Variants in ATOSA observed in about 807,000 individuals in gnomAD.
ATOSA encodes the protein atos homolog protein A.
chr15:52,610,253 T>C, the ATOSA span: 314 of 1,613,878 alleles, frequency 1.9e-4, no homozygotes, highest in Non-Finnish European at 2.6e-4. Context: ...ACTGGATAAT[T>C]AGATTGTCTG....
chr15:52,613,687 C>G, the ATOSA span: 1 of 1,613,746 alleles, frequency 6.2e-7, no homozygotes, highest in Non-Finnish European at 8.5e-7. Flanking sequence ...GCCAGCTTGT[C>G]ACTACATTCA....
the ATOSA span, among the ~76,000 whole-genome samples, chr15:52,688,568 T>C: frequency 1.3e-5 from 2 of 151,672 alleles, no homozygotes; most frequent in South Asian, 2.1e-4. Context: ...GGGATGGGGG[T>C]TGGGGAGAAA....
the ATOSA span, among the ~76,000 whole-genome samples, chr15:52,705,025 A>T: frequency 0.4 from 60,918 of 152,086 alleles, 12,715 homozygotes; most frequent in Admixed American, 0.5. Context: ...AAGGATTGTA[A>T]GTCATGCTAC....
chr15:52,702,064 A>G, the ATOSA span, among the ~76,000 whole-genome samples: 5 of 152,198 alleles, frequency 3.3e-5, no homozygotes, highest in Non-Finnish European at 5.9e-5. Context: ...AAGATTTTGT[A>G]TGGGATACCA....
chr15:52,610,130 T>C, the ATOSA span: 2 of 1,614,030 alleles, frequency 1.2e-6, no homozygotes, highest in Non-Finnish European at 8.5e-7. Flanking sequence ...TGTGAACTGT[T>C]TGTACCACAT....
chr15:52,645,368 G>C, the ATOSA span, among the ~76,000 whole-genome samples: 10 of 152,192 alleles, frequency 6.6e-5, no homozygotes, highest in African/African-American at 2.4e-4. Context: ...GAACCTGGGA[G>C]GCGGAGGCTG....
chr15:52,623,930 C>T, the ATOSA span, among the ~76,000 whole-genome samples: 1 of 152,134 alleles, frequency 6.6e-6, no homozygotes, highest in African/African-American at 2.4e-5. Flanking sequence ...CAAAATGAGA[C>T]TAAAAGAAGT....
the ATOSA span, chr15:52,587,171 G>A: frequency 2.2e-5 from 35 of 1,613,270 alleles, no homozygotes; most frequent in African/African-American, 4.7e-4. Context: ...GTTCCTGAAG[G>A]AGGTACTCGA....
chr15:52,654,450 G>A, the ATOSA span, among the ~76,000 whole-genome samples: 2 of 152,094 alleles, frequency 1.3e-5, no homozygotes, highest in African/African-American at 2.4e-5. Context: ...AAATGATGGC[G>A]CATTATCTAC....
the ATOSA span, among the ~76,000 whole-genome samples, chr15:52,703,163 G>C: frequency 1.3e-5 from 2 of 152,212 alleles, no homozygotes; most frequent in South Asian, 2.1e-4. Flanking sequence ...GAGTACACAT[G>C]GTTCGATTTT....
chr15:52,582,354 A>C, the ATOSA span: 4 of 1,452,006 alleles, frequency 2.8e-6, no homozygotes, highest in East Asian at 1.0e-4. Flanking sequence ...ACGAGTCTTT[A>C]AAAGAAACTA....
At chr15:52,671,377 T>G in the ATOSA span, among the ~76,000 whole-genome samples, 22 of 152,268 alleles carry the variant, frequency 1.4e-4, no homozygotes, top group East Asian at 3.5e-3. Context: ...AATCAAATAT[T>G]GCTACCCAGC....
At chr15:52,708,871 TG>T in the ATOSA span, among the ~76,000 whole-genome samples, 10 of 152,154 alleles carry the variant, frequency 6.6e-5, no homozygotes, top group Non-Finnish European at 1.3e-4. Context: ...TAGCACACTG[TG>T]GGAATCATCT....
chr15:52,661,960 A>G, the ATOSA span, among the ~76,000 whole-genome samples: 60 of 151,832 alleles, frequency 4.0e-4, no homozygotes, highest in Admixed American at 7.2e-4. Flanking sequence ...AAACAGCAAA[A>G]AAAAGGAGTA....
At chr15:52,630,538 C>A in the ATOSA span, among the ~76,000 whole-genome samples, 5 of 152,118 alleles carry the variant, frequency 3.3e-5, no homozygotes, top group Non-Finnish European at 7.3e-5. Context: ...GGAAAATTGA[C>A]TAAATATTGC....
chr15:52,618,177 T>C, the ATOSA span, among the ~76,000 whole-genome samples: 1 of 152,172 alleles, frequency 6.6e-6, no homozygotes, highest in African/African-American at 2.4e-5. Context: ...TAGCTGGGGC[T>C]ACAGGCACCT....
the ATOSA span, among the ~76,000 whole-genome samples, chr15:52,597,182 TC>T: frequency 0.035 from 1,828 of 51,888 alleles, 52 homozygotes; most frequent in African/African-American, 0.073. Context: ...TCTATTCTAT[TC>T]TATTCTATTC....
At chr15:52,597,170 A>G in the ATOSA span, among the ~76,000 whole-genome samples, 136,607 of 148,082 alleles carry the variant, frequency 0.92, 62,693 homozygotes, top group East Asian at 1. Context: ...GTTCTGTTCT[A>G]TTCTATTCTA....
At chr15:52,654,671 G>C in the ATOSA span, among the ~76,000 whole-genome samples, 1 of 152,180 alleles carries the variant, frequency 6.6e-6, no homozygotes, top group East Asian at 1.9e-4. Flanking sequence ...AAATAGGATA[G>C]TAGATCTTTT....
Sources: gnomAD v4.1 joint callset for allele counts (sites outside exome capture counted in the v4.1 genomes callset) on GRCh38, gnomAD v4.1.1 for gene constraint, MANE v1.5 for transcripts, NCBI Gene and HGNC (gene_info 2026-07-23, HGNC 2026-07-21) for gene names.